CCDC3: variants seen among roughly 807,000 people sequenced by gnomAD.
CCDC3 encodes the protein coiled-coil domain containing 3.
Under a neutral mutation model 21.4 loss-of-function variants are expected in CCDC3, and 24 were observed. The ratio of observed to expected loss-of-function variants is 1.12; its 90% confidence interval spans 0.81 to 1.58. The LOEUF (loss-of-function observed/expected upper bound fraction) is 1.58. CCDC3 is among the 40% of genes most tolerant of loss of function. The pLI is 0.00. For missense variants in CCDC3, 425 were observed against 360.9 expected, an observed-to-expected ratio of 1.18 and a Z score of -1.44; for synonymous variants, 186 against 166.0, an observed-to-expected ratio of 1.12 and a Z score of -0.93.
intron 2 of CCDC3, among the ~76,000 whole-genome samples, chr10:12,949,039 C>T (rs1319794599): frequency 1.3e-5 from 2 of 152,074 alleles, no homozygotes; most frequent in African/African-American, 4.8e-5. Flanking sequence ...TATGGGGATA[C>T]CTACATAATG....
intron 5 of CCDC3, among the ~76,000 whole-genome samples, chr10:13,046,073 A>T (rs1465319588): frequency 1.3e-5 from 2 of 152,070 alleles, no homozygotes; most frequent in Admixed American, 1.3e-4. Flanking sequence ...CCTGGGTGAC[A>T]GAGTGAGACT....
intron 2 of CCDC3, among the ~76,000 whole-genome samples, chr10:12,988,737 C>T (rs1433389279): frequency 3.3e-5 from 5 of 152,206 alleles, no homozygotes; most frequent in African/African-American, 1.2e-4. Flanking sequence ...GTCTCTCCCT[C>T]ATCCCACTAC....
At chr10:12,955,957 C>T (rs1243612008) in intron 2 of CCDC3, among the ~76,000 whole-genome samples, 1 of 152,142 alleles carries the variant, frequency 6.6e-6, no homozygotes, top group Non-Finnish European at 1.5e-5. Context: ...ACCTGCCTGC[C>T]TCAGCCTCCC....
chr10:13,074,590 C>G (rs550585659), intron 3 of CCDC3, among the ~76,000 whole-genome samples: 248 of 151,806 alleles, frequency 1.6e-3, no homozygotes, highest in Admixed American at 2.9e-3. Context: ...CTCTCCCACT[C>G]CCTCAGCTTT....
intron 4 of CCDC3, among the ~76,000 whole-genome samples, chr10:13,054,126 C>CAG (rs71386142): frequency 0.11 from 13,820 of 126,684 alleles, 871 homozygotes; most frequent in Admixed American, 0.15. Flanking sequence ...GCCTGGGTGA[C>CAG]AGAGAGAGAG....
intron 2 of CCDC3, among the ~76,000 whole-genome samples, chr10:12,945,437 G>A (rs567316399): frequency 1.3e-5 from 2 of 152,142 alleles, no homozygotes; most frequent in South Asian, 4.1e-4. Context: ...ACCCCGAATG[G>A]ATATAAGAAA....
chr10:12,914,741 C>T (rs1378477535), intron 2 of CCDC3, among the ~76,000 whole-genome samples: 3 of 152,164 alleles, frequency 2.0e-5, no homozygotes, highest in Admixed American at 1.3e-4. Context: ...AGCCACCATG[C>T]CTGGCCTGAG....
chr10:12,897,171 T>C lies in CCDC3; in HGVS notation c.*1245A>G, dbSNP rs1319200945. 6.6e-6 allele frequency: 1 copy of C among 152,378 alleles called. No homozygotes were observed. Among genetic ancestry groups the C allele is most frequent in the Non-Finnish European group, 1.5e-5 (1 of 68,168 alleles). 9.4% of individuals were successfully genotyped at this position (152,378 alleles called of 1,614,324 possible). Reference sequence around the variant, plus strand: ...GTGGAAGAGCAGGGAAGGGCCCTTGTTGGGTTGAAAGGCCATGATCAGAAG... The same window carrying C: ...GTGGAAGAGCAGGGAAGGGCCCTTGCTGGGTTGAAAGGCCATGATCAGAAG... On this transcript the variant is annotated 3_prime_UTR_variant, in exon 3 of 3. Transcript: ENST00000378825.
At chr10:13,005,244 A>G (rs554932499), upstream of CCDC3, among the ~76,000 whole-genome samples, 1 of 152,340 alleles carries the variant, frequency 6.6e-6, no homozygotes, top group South Asian at 2.1e-4. Context: ...TCTTCAAACC[A>G]GTCTTGTTAT....
At chr10:12,937,627 T>A (rs1274473769) in intron 2 of CCDC3, among the ~76,000 whole-genome samples, 3 of 152,100 alleles carry the variant, frequency 2.0e-5, no homozygotes, top group African/African-American at 4.8e-5. Context: ...AAAGAGCCCA[T>A]AAGCTTCCTC....
chr10:12,914,756 C>T (rs11528650), intron 2 of CCDC3, among the ~76,000 whole-genome samples: 18,284 of 152,126 alleles, frequency 0.12, 1,291 homozygotes, highest in East Asian at 0.29. Flanking sequence ...CCTGAGTTGT[C>T]TTTTTTTACT....
At chr10:12,935,261 C>T (rs572622825) in intron 2 of CCDC3, among the ~76,000 whole-genome samples, 2 of 152,116 alleles carry the variant, frequency 1.3e-5, no homozygotes, top group African/African-American at 4.8e-5. Flanking sequence ...CTCTGTCACC[C>T]AGGCTGGAGT....
chr10:12,920,773 C>T (rs1256591690), intron 2 of CCDC3, among the ~76,000 whole-genome samples: 1 of 152,216 alleles, frequency 6.6e-6, no homozygotes, highest in Non-Finnish European at 1.5e-5. Flanking sequence ...AAGCTCAGAG[C>T]ACTGACGTCA....
intron 2 of CCDC3, among the ~76,000 whole-genome samples, chr10:12,915,141 C>T (rs1834331339): frequency 6.6e-6 from 1 of 152,056 alleles, no homozygotes; most frequent in Non-Finnish European, 1.5e-5. Flanking sequence ...TGGGAATTTC[C>T]CAAAATCCTT....
intron 2 of CCDC3, among the ~76,000 whole-genome samples, chr10:12,951,126 G>A (rs1184987813): frequency 6.6e-6 from 1 of 152,198 alleles, no homozygotes; most frequent in Non-Finnish European, 1.5e-5. Flanking sequence ...GCTCATGCCT[G>A]TAATTCAAGC....
At chr10:12,990,877 G>A (rs1244273470) in intron 2 of CCDC3, among the ~76,000 whole-genome samples, 1 of 152,192 alleles carries the variant, frequency 6.6e-6, no homozygotes, top group Non-Finnish European at 1.5e-5. Flanking sequence ...AATACAGAAA[G>A]TTCATTGATA....
chr10:13,064,642 C>T (rs1210714115), intron 4 of CCDC3, among the ~76,000 whole-genome samples: 2 of 152,020 alleles, frequency 1.3e-5, no homozygotes, highest in East Asian at 1.9e-4. Flanking sequence ...AAAAATTAGC[C>T]GGGTATGGTG....
chr10:13,011,969 T>C (rs528635670), intron 5 of CCDC3, among the ~76,000 whole-genome samples: 1 of 152,254 alleles, frequency 6.6e-6, no homozygotes, highest in South Asian at 2.1e-4. Flanking sequence ...ATTCAACAAA[T>C]GGTGCTGGGA....
At chr10:13,075,454 T>C (rs1462548724) in intron 3 of CCDC3, among the ~76,000 whole-genome samples, 3 of 152,114 alleles carry the variant, frequency 2.0e-5, no homozygotes, top group Admixed American at 6.6e-5. Context: ...TTTGTTTTTT[T>C]TTTCTAGACG....
Sources: gnomAD v4.1 joint callset for allele counts (sites outside exome capture counted in the v4.1 genomes callset) on GRCh38, gnomAD v4.1.1 for gene constraint, MANE v1.5 for transcripts, NCBI Gene and HGNC (gene_info 2026-07-23, HGNC 2026-07-21) for gene names.